MRPL13: variants seen among roughly 807,000 people sequenced by gnomAD.
MRPL13 encodes the protein mitochondrial ribosomal protein L13, also known as large ribosomal subunit protein uL13m.
Under a neutral mutation model 29.0 loss-of-function variants are expected in MRPL13, and 33 were observed. The ratio of observed to expected loss-of-function variants is 1.14; its 90% CI spans 0.86 to 1.52. The LOEUF (loss-of-function observed/expected upper bound fraction) is 1.52, where lower values mean the gene tolerates loss of function less well. Ranked by LOEUF, MRPL13 falls within the 40% of genes most tolerant of loss-of-function variation. MRPL13 has a pLI of 0.00. For synonymous variants in MRPL13, 77 were observed against 68.4 expected (o/e 1.13, Z -0.62); for missense variants, 227 against 216.7 (o/e 1.05, Z -0.30).
chr8:120,396,477 T>C (rs111872423), intron 6 of MRPL13, among the ~76,000 whole-genome samples: 1,998 of 152,292 alleles, frequency 0.013, 39 homozygotes, highest in African/African-American at 0.045. Context: ...AGTTTAAAAA[T>C]CATACGAAGA....
At position 120,434,392 on chromosome 8, in the gene MRPL13, C is replaced by T. The variant is rs183767325; in HGVS notation, c.152-2269G>A. On this transcript the variant is annotated intron_variant, in intron 2 of 6. Coordinates refer to ENST00000306185, the MANE Select transcript of MRPL13 (RefSeq NM_014078.6). ...AGGTAAAGCTAACGTACTCCCTCTG[C>T]CTGCTACCACTTTTACTATTTAATA... 1.4e-3 allele frequency among the ~76,000 whole-genome samples: 211 copies of T among 152,216 alleles called. 2 individuals are homozygous for T. The highest frequency in any genetic ancestry group is 2.6e-4 in the Non-Finnish European group (18 of 67,984).
At chr8:120,413,099 G>A (rs921172584) in intron 6 of MRPL13, among the ~76,000 whole-genome samples, 11 of 152,236 alleles carry the variant, frequency 7.2e-5, no homozygotes, top group African/African-American at 2.4e-4. Flanking sequence ...GAGTACAGTA[G>A]ATAGTGATAA....
chr8:120,439,253 T>C (rs930056785), intron 2 of MRPL13, among the ~76,000 whole-genome samples: 1 of 152,218 alleles, frequency 6.6e-6, no homozygotes, highest in Admixed American at 6.5e-5. Flanking sequence ...CTGGCATCTG[T>C]GGACTTTTTC....
rs1241996703 is a variant in MRPL13, at chr8:120,442,693, TTTTTAA to T, written c.151+486_151+491del. Among the ~76,000 whole-genome samples, 13 of 152,298 alleles carry T rather than the reference TTTTTAA, an allele frequency of 8.5e-5. No individual in the cohort carries two copies. In the South Asian group the frequency reaches 2.5e-3, roughly 29 times the overall value. On this transcript the variant is annotated intron_variant, in intron 2 of 6. Coordinates refer to ENST00000306185, the MANE Select transcript of MRPL13 (RefSeq NM_014078.6). ...AGAAATCTTCTAGAACGAAAACAAC[TTTTTAA>T]TTTTATTTTGGAAAAAGGATACAGA...
At chr8:120,428,126 T>TAAAAAAAAA (rs144856034) in intron 3 of MRPL13, among the ~76,000 whole-genome samples, 2 of 110,392 alleles carry the variant, frequency 1.8e-5, no homozygotes, top group Admixed American at 8.7e-5. Flanking sequence ...ATGGTACTGA[T>TAAAAAAAAA]AAAAAAAAAA....
intron 6 of MRPL13, among the ~76,000 whole-genome samples, chr8:120,396,331 T>C (rs901085872): frequency 4.6e-5 from 7 of 152,192 alleles, no homozygotes; most frequent in African/African-American, 1.7e-4. Context: ...CAAAGTCTTT[T>C]TGAAAGTATA....
chr8:120,407,828 G>C (rs1812693717), intron 6 of MRPL13, among the ~76,000 whole-genome samples: 1 of 151,976 alleles, frequency 6.6e-6, no homozygotes, highest in Non-Finnish European at 1.5e-5. Context: ...TCTTCAATAG[G>C]TTTTATGTCT....
At chr8:120,411,513 A>C (rs2130459694) in intron 6 of MRPL13, among the ~76,000 whole-genome samples, 1 of 152,310 alleles carries the variant, frequency 6.6e-6, no homozygotes, top group Admixed American at 6.5e-5. Context: ...GACTAACTGG[A>C]CTTGATGTCA....
chr8:120,444,833 G>GCC, intron 1 of MRPL13: 1 of 233,608 alleles, frequency 4.3e-6, no homozygotes. Flanking sequence ...TCTTCCCCCC[G>GCC]CCCCCCCAAG....
chr8:120,431,198 T>C (rs1812992088), intron 3 of MRPL13, among the ~76,000 whole-genome samples: 1 of 152,110 alleles, frequency 6.6e-6, no homozygotes, highest in African/African-American at 2.4e-5. Context: ...AAGGCGAAGA[T>C]GCAGTTGGAA....
Position 120,419,950 on chromosome 8 carries a change from A to G in MRPL13, c.307-12T>C. On this transcript the variant is annotated splice_polypyrimidine_tract_variant and intron_variant, in intron 4 of 6. Coordinates refer to ENST00000306185, the MANE Select transcript of MRPL13 (RefSeq NM_014078.6). Reference sequence around the variant, plus strand: ...GCTAGTTTTACAATCTGAAAGATATACATAGGACACAATAAGAAAATTGTG... The same window carrying G: ...GCTAGTTTTACAATCTGAAAGATATGCATAGGACACAATAAGAAAATTGTG... 6.6e-7 allele frequency: 1 copy of G among 1,522,378 alleles called. No individual in the cohort carries two copies. Among genetic ancestry groups the G allele is most frequent in the South Asian group, 1.3e-5 (1 of 78,416 alleles). 94.3% of individuals were successfully genotyped at this position (1,522,378 alleles called of 1,614,324 possible).
At chr8:120,404,902 G>A (rs1011091509) in intron 6 of MRPL13, among the ~76,000 whole-genome samples, 2 of 152,130 alleles carry the variant, frequency 1.3e-5, no homozygotes, top group African/African-American at 2.4e-5. Flanking sequence ...TCCTTTGAAG[G>A]CAGGGCCCTG....
chr8:120,399,102 C>A (rs551425781), intron 6 of MRPL13, among the ~76,000 whole-genome samples: 1 of 152,158 alleles, frequency 6.6e-6, no homozygotes, highest in South Asian at 2.1e-4. Flanking sequence ...CTTCCCCAAC[C>A]TAGCAAGACA....
chr8:120,441,025 G>GTATA (rs1316535486), intron 2 of MRPL13, among the ~76,000 whole-genome samples: 1 of 151,766 alleles, frequency 6.6e-6, no homozygotes, highest in Non-Finnish European at 1.5e-5. Flanking sequence ...GTGTGTGAGT[G>GTATA]TATATATATA....
At chr8:120,429,474 T>C (rs1812972813) in intron 3 of MRPL13, among the ~76,000 whole-genome samples, 1 of 149,776 alleles carries the variant, frequency 6.7e-6, no homozygotes, top group East Asian at 1.9e-4. Context: ...AACCTGCACA[T>C]GTAACTGAAC....
At chr8:120,423,940 G>C (rs1812902316) in intron 4 of MRPL13, among the ~76,000 whole-genome samples, 1 of 151,940 alleles carries the variant, frequency 6.6e-6, no homozygotes, top group Admixed American at 6.6e-5. Context: ...AATCTTCTAA[G>C]GGCTTTCATT....
chr8:120,406,385 A>G (rs1057249059), intron 6 of MRPL13, among the ~76,000 whole-genome samples: 13 of 152,190 alleles, frequency 8.5e-5, no homozygotes, highest in African/African-American at 2.7e-4. Flanking sequence ...ACACTTCATG[A>G]ACTGAACATC....
intron 3 of MRPL13, among the ~76,000 whole-genome samples, chr8:120,427,807 A>T (rs1451387908): frequency 1.3e-5 from 2 of 152,064 alleles, no homozygotes; most frequent in Admixed American, 1.3e-4. Context: ...CAAAAGAAAA[A>T]AAACTTTAAT....
At chr8:120,435,906 T>C (rs947294949) in intron 2 of MRPL13, among the ~76,000 whole-genome samples, 1 of 152,220 alleles carries the variant, frequency 6.6e-6, no homozygotes, top group African/African-American at 2.4e-5. Flanking sequence ...CATTTGCTTG[T>C]TGACTGTATG....
Sources: allele counts gnomAD v4.1 joint callset (sites outside exome capture counted in the v4.1 genomes callset), GRCh38; gene constraint gnomAD v4.1.1; transcripts MANE v1.5; gene names NCBI Gene and HGNC (gene_info 2026-07-23, HGNC 2026-07-21).